ZFPM2: variants seen among roughly 807,000 people sequenced by gnomAD.
ZFPM2 encodes the protein zinc finger protein, FOG family member 2.
In ZFPM2, 20 loss-of-function variants were observed where a neutral mutation model predicts 98.6. The observed-to-expected ratio is 0.20, with a 90% confidence interval of 0.14 to 0.29. The LOEUF (loss-of-function observed/expected upper bound fraction) is 0.29, where lower values mean the gene tolerates loss of function less well. ZFPM2 is among the 10% of genes least tolerant of loss of function. The pLI is 1.00. For synonymous variants in ZFPM2, 518 were observed against 502.7 expected (o/e 1.03, Z -0.41); for missense variants, 1,310 against 1,388.6 (o/e 0.94, Z 0.90).
At chr8:105,705,640 A>C (rs909489567) in intron 5 of ZFPM2, among the ~76,000 whole-genome samples, 9 of 152,308 alleles carry the variant, frequency 5.9e-5, no homozygotes, top group Admixed American at 3.9e-4. Context: ...TGACCAAGTG[A>C]GCTACCTCAA....
At chr8:105,603,523 A>G (rs765804283) in intron 4 of ZFPM2, among the ~76,000 whole-genome samples, 2 of 152,156 alleles carry the variant, frequency 1.3e-5, no homozygotes, top group Non-Finnish European at 2.9e-5. Flanking sequence ...TTTGTTTAAT[A>G]GATAAGAATG....
intron 4 of ZFPM2, among the ~76,000 whole-genome samples, chr8:105,616,437 T>C (rs1181342641): frequency 2.0e-5 from 3 of 152,076 alleles, no homozygotes; most frequent in Non-Finnish European, 4.4e-5. Context: ...AAAGTAGTAA[T>C]TTTTTTACAC....
chr8:105,327,853 CT>C (rs969555868), intron 1 of ZFPM2, among the ~76,000 whole-genome samples: 19 of 151,598 alleles, frequency 1.3e-4, no homozygotes, highest in Non-Finnish European at 2.4e-4. Flanking sequence ...CATAAAAGGC[CT>C]TTTTTTCATT....
rs78858663 is a variant in ZFPM2, at chr8:105,541,679, G to A, written c.302-19684G>A. Among the ~76,000 whole-genome samples, 378 of 152,308 alleles carry A rather than the reference G, an allele frequency of 2.5e-3. 2 individuals carry two copies. Among genetic ancestry groups the A allele is most frequent in the South Asian group, 7.3e-3 (35 of 4,824 alleles). On this transcript the variant is annotated intron_variant, in intron 3 of 7. Transcript: ENST00000407775. ...TTTTAGTATCTTTCACCAGGGAGCA[G>A]TAATATCTGTGTTGCCATTTTAGGA... is the stretch of plus-strand genomic sequence containing the variant.
chr8:105,785,935 G>A lies in ZFPM2; in HGVS notation c.533-2783G>A, dbSNP rs1446943964. ...CAGGTGCCTGTAGTCCCAGCTACTCGGGAGGCTGAGTCAGGAGAATGGCAT... is the reference window on the plus strand; with the variant it reads ...CAGGTGCCTGTAGTCCCAGCTACTCAGGAGGCTGAGTCAGGAGAATGGCAT... On this transcript the variant is annotated intron_variant, in intron 5 of 7. Transcript: ENST00000407775. Among the ~76,000 whole-genome samples, 7 of 151,246 alleles carry A rather than the reference G, an allele frequency of 4.6e-5. No homozygotes were observed. The South Asian group carries it at 6.3e-4, about 14-fold the overall frequency.
chr8:105,386,293 A>C (rs1295545393), intron 1 of ZFPM2, among the ~76,000 whole-genome samples: 1 of 152,176 alleles, frequency 6.6e-6, no homozygotes, highest in African/African-American at 2.4e-5. Context: ...AAGCTAAAGC[A>C]TACATTTTTA....
intron 5 of ZFPM2, among the ~76,000 whole-genome samples, chr8:105,666,551 A>G (rs1156245594): frequency 3.3e-5 from 5 of 152,224 alleles, no homozygotes; most frequent in Non-Finnish European, 5.9e-5. Flanking sequence ...GGCTCTGTCT[A>G]TGGTCCTTCA....
intron 4 of ZFPM2, among the ~76,000 whole-genome samples, chr8:105,612,778 C>T (rs1394423442): frequency 6.6e-6 from 1 of 152,266 alleles, no homozygotes; most frequent in Non-Finnish European, 1.5e-5. Context: ...TTTTAATTGT[C>T]TGTGTGCCTG....
intron 4 of ZFPM2, among the ~76,000 whole-genome samples, chr8:105,574,128 A>G (rs1302253200): frequency 1.3e-5 from 2 of 152,202 alleles, no homozygotes; most frequent in African/African-American, 2.4e-5. Flanking sequence ...CTCCCTAAAC[A>G]TACTTTAAAA....
At chr8:105,620,610 T>C (rs531582942) in intron 4 of ZFPM2, among the ~76,000 whole-genome samples, 14 of 152,238 alleles carry the variant, frequency 9.2e-5, no homozygotes, top group South Asian at 2.1e-4. Context: ...CTTGCCCATG[T>C]CTATGTCCTG....
intron 1 of ZFPM2, among the ~76,000 whole-genome samples, chr8:105,396,558 C>T (rs1294969891): frequency 6.6e-6 from 1 of 152,130 alleles, no homozygotes; most frequent in Non-Finnish European, 1.5e-5. Context: ...GAAAGGACCC[C>T]TTTTAGGTAA....
chr8:105,377,620 A>C lies in ZFPM2; in HGVS notation c.41-41524A>C, dbSNP rs1407588320. Among the ~76,000 whole-genome samples, 5 of 148,678 alleles carry C rather than the reference A, an allele frequency of 3.4e-5. 1 individual carries two copies. The highest frequency in any genetic ancestry group is 2.1e-4 in the South Asian group (1 of 4,720). On this transcript the variant is annotated intron_variant, in intron 1 of 7. Transcript: ENST00000407775. ...TTCTTAAAAATCCAAAAAAAAAAAA[A>C]AAAAAAAAAAAAAGCCAGATGTAGT...
intron 5 of ZFPM2, 95 bp from the exon 6 acceptor site, chr8:105,788,622 GA>G: frequency 1.6e-6 from 2 of 1,237,822 alleles, no homozygotes; most frequent in Non-Finnish European, 2.3e-6. Flanking sequence ...AAACCAGTGT[GA>G]AAAACATGAG....
chr8:105,518,582 G>A (rs986909016), intron 3 of ZFPM2, among the ~76,000 whole-genome samples: 11 of 152,162 alleles, frequency 7.2e-5, no homozygotes, highest in Admixed American at 7.2e-4. Flanking sequence ...TGTTATTACA[G>A]CCACATAACT....
chr8:105,349,815 T>C (rs921330069), intron 1 of ZFPM2, among the ~76,000 whole-genome samples: 3 of 152,220 alleles, frequency 2.0e-5, no homozygotes, highest in Non-Finnish European at 4.4e-5. Flanking sequence ...GTAATCATAG[T>C]ATAGATATAA....
intron 1 of ZFPM2, among the ~76,000 whole-genome samples, chr8:105,409,714 T>G (rs556848480): frequency 1.2e-4 from 18 of 152,096 alleles, no homozygotes; most frequent in Admixed American, 1.2e-3. Context: ...TCCAGCACAG[T>G]TGTTCTCAAA....
chr8:105,788,682 T>A, intron 5 of ZFPM2, 36 bp from the exon 6 acceptor site: 2 of 1,599,110 alleles, frequency 1.3e-6, no homozygotes. Context: ...AAGCATCCTA[T>A]GTCAATTTTA....
intron 4 of ZFPM2, among the ~76,000 whole-genome samples, chr8:105,579,878 A>G (rs1271248543): frequency 6.6e-6 from 1 of 152,152 alleles, no homozygotes; most frequent in Non-Finnish European, 1.5e-5. Context: ...GATGAATCAT[A>G]GTGCTTTCTA....
chr8:105,374,259 G>T (rs769225980), intron 1 of ZFPM2, among the ~76,000 whole-genome samples: 12 of 152,104 alleles, frequency 7.9e-5, no homozygotes, highest in African/African-American at 1.2e-4. Flanking sequence ...AAAGAAAATG[G>T]TATGACGTGA....
Sources: gnomAD v4.1 joint callset for allele counts (sites outside exome capture counted in the v4.1 genomes callset) on GRCh38, gnomAD v4.1.1 for gene constraint, MANE v1.5 for transcripts, NCBI Gene and HGNC (gene_info 2026-07-23, HGNC 2026-07-21) for gene names.